CADM2: variants seen among roughly 807,000 people sequenced by gnomAD.
The protein encoded by CADM2 is immunoglobulin superfamily member 4D.
In CADM2, 12 loss-of-function variants were observed where a neutral mutation model predicts 49.8. The observed-to-expected ratio is 0.24, with a 90% confidence interval of 0.15 to 0.39. The LOEUF is 0.39. CADM2 is among the 10% of genes least tolerant of loss of function. The pLI, the probability that CADM2 is intolerant of heterozygous loss-of-function variation, is 1.00. For synonymous variants in CADM2, 214 were observed against 175.4 expected (o/e 1.22, Z -1.74); for missense variants, 378 against 492.3 (o/e 0.77, Z 2.20).
chr3:85,771,622 G>T (rs1031437876), intron 2 of CADM2, among the ~76,000 whole-genome samples: 4 of 152,100 alleles, frequency 2.6e-5, no homozygotes, highest in South Asian at 4.2e-4. Flanking sequence ...CATAGAAGCC[G>T]CTAGGTAGGA....
chr3:85,115,895 C>A (rs911882285), intron 1 of CADM2, among the ~76,000 whole-genome samples: 1 of 152,144 alleles, frequency 6.6e-6, no homozygotes, highest in African/African-American at 2.4e-5. Context: ...TTGTACGCAT[C>A]TTTGAAGAAA....
intron 2 of CADM2, among the ~76,000 whole-genome samples, chr3:85,789,900 G>T (rs1686385982): frequency 6.6e-6 from 1 of 152,072 alleles, no homozygotes; most frequent in Non-Finnish European, 1.5e-5. Flanking sequence ...AATTGACTTT[G>T]TACACATACA....
At chr3:85,700,349 A>T (rs988602974) in intron 1 of CADM2, among the ~76,000 whole-genome samples, 2 of 152,126 alleles carry the variant, frequency 1.3e-5, no homozygotes, top group Non-Finnish European at 2.9e-5. Context: ...ATGGGGGACT[A>T]GGGGAGGGAT....
intron 1 of CADM2, among the ~76,000 whole-genome samples, chr3:85,264,738 T>G (rs2043085557): frequency 6.6e-6 from 1 of 152,054 alleles, no homozygotes. Flanking sequence ...TAAGTAATGG[T>G]ATAGTATAGT....
chr3:85,262,470 G>A (rs2043033865), intron 1 of CADM2, among the ~76,000 whole-genome samples: 1 of 151,982 alleles, frequency 6.6e-6, no homozygotes, highest in Admixed American at 6.6e-5. Context: ...TATTTAATAA[G>A]GCTGAATTGA....
chr3:85,175,998 G>A (rs944654821), intron 1 of CADM2, among the ~76,000 whole-genome samples: 1 of 144,674 alleles, frequency 6.9e-6, no homozygotes, highest in Non-Finnish European at 1.5e-5. Context: ...GCGGGATCTC[G>A]GCTCACTGCA....
chr3:85,650,491 ATATTT>A (rs1319282777), intron 1 of CADM2, among the ~76,000 whole-genome samples: 2 of 143,082 alleles, frequency 1.4e-5, no homozygotes, highest in African/African-American at 2.6e-5. Context: ...TACAGATATT[ATATTT>A]TAAGTGATCA....
chr3:86,066,598 G>A (rs1015483184), intron 9 of CADM2, 67 bp from the exon 10 acceptor site: 5 of 1,185,288 alleles, frequency 4.2e-6, no homozygotes, highest in African/African-American at 3.0e-5. Flanking sequence ...CCTAAATAAT[G>A]TAGCTTTAAT....
Position 85,556,720 on chromosome 3 carries a change from G to C in CADM2, c.62-169802G>C, listed in dbSNP as rs573369285. Among the ~76,000 whole-genome samples, 187 of 152,156 alleles carry C rather than the reference G, an allele frequency of 1.2e-3. 2 individuals carry two copies. The highest frequency in any genetic ancestry group is 7.9e-3 in the South Asian group (38 of 4,830). The stretch of plus-strand genomic sequence containing the variant: ...AAATAACTTTATATTCTCTCATTAA[G>C]AACAGCAGTACAGGAAATCATTTAC... On this transcript the variant is annotated intron_variant, in intron 1 of 9. Coordinates refer to ENST00000383699, the MANE Select transcript of CADM2 (RefSeq NM_001167675.2).
intron 3 of CADM2, among the ~76,000 whole-genome samples, chr3:85,823,723 A>G (rs996171453): frequency 4.6e-5 from 7 of 152,186 alleles, no homozygotes; most frequent in Non-Finnish European, 8.8e-5. Context: ...AAGCAAATCT[A>G]TAGTACAAAG....
At chr3:85,515,631 A>ATATATATTTTTTT (rs1159969286) in intron 1 of CADM2, among the ~76,000 whole-genome samples, 1 of 118,426 alleles carries the variant, frequency 8.4e-6, no homozygotes, top group African/African-American at 3.4e-5. Flanking sequence ...ATATATATAT[A>ATATATATTTTTTT]TTTTTTTTTT....
chr3:85,108,814 T>C (rs2038346667), intron 1 of CADM2, among the ~76,000 whole-genome samples: 1 of 152,064 alleles, frequency 6.6e-6, no homozygotes. Context: ...TTAAGGAGTA[T>C]TAAAACAAAA....
At chr3:85,571,865 T>C (rs767109958) in intron 1 of CADM2, among the ~76,000 whole-genome samples, 97 of 152,236 alleles carry the variant, frequency 6.4e-4, no homozygotes, top group Admixed American at 2.6e-4. Flanking sequence ...TAGTCATGAA[T>C]GAAATGATCC....
At chr3:85,978,117 CTG>C (rs1052578658) in intron 8 of CADM2, among the ~76,000 whole-genome samples, 2 of 151,576 alleles carry the variant, frequency 1.3e-5, no homozygotes, top group African/African-American at 4.8e-5. Flanking sequence ...AATTTGGAAA[CTG>C]TTTCTAATTT....
chr3:85,674,724 T>G (rs1480168874), intron 1 of CADM2, among the ~76,000 whole-genome samples: 1 of 152,150 alleles, frequency 6.6e-6, no homozygotes, highest in African/African-American at 2.4e-5. Context: ...AATAGTATTT[T>G]GTTGAATGAT....
At position 85,115,647 on chromosome 3, in the gene CADM2, A is replaced by G. The variant is rs141257870; in HGVS notation, c.61+155979A>G. 2.8e-3 allele frequency among the ~76,000 whole-genome samples: 428 copies of G among 152,314 alleles called. 2 individuals carry two copies. Among genetic ancestry groups the G allele is most frequent in the African/African-American group, 9.9e-3 (410 of 41,562 alleles). On this transcript the variant is annotated intron_variant, in intron 1 of 9. Transcript: ENST00000383699. ...TTTTTTTCTTTGGTAAAAATCTAGG[A>G]TTACAACAAGCCCAAAATTTTATTA... is the stretch of plus-strand genomic sequence containing the variant.
intron 1 of CADM2, among the ~76,000 whole-genome samples, chr3:85,024,670 T>C (rs2107303780): frequency 6.6e-6 from 1 of 151,868 alleles, no homozygotes; most frequent in East Asian, 1.9e-4. Flanking sequence ...GTTTTTCTTT[T>C]TTTTTTTACT....
At chr3:85,783,232 T>G (rs957108885) in intron 2 of CADM2, among the ~76,000 whole-genome samples, 1 of 152,216 alleles carries the variant, frequency 6.6e-6, no homozygotes, top group African/African-American at 2.4e-5. Flanking sequence ...AAAACTCTTA[T>G]GTAAGAACAG....
chr3:85,904,028 T>G (rs1167553809), intron 5 of CADM2, among the ~76,000 whole-genome samples: 1 of 152,108 alleles, frequency 6.6e-6, no homozygotes, highest in African/African-American at 2.4e-5. Context: ...AGCGTGCTTA[T>G]CTCATCTAAA....
Sources: gnomAD v4.1 joint callset for allele counts (sites outside exome capture counted in the v4.1 genomes callset) on GRCh38, gnomAD v4.1.1 for gene constraint, MANE v1.5 for transcripts, NCBI Gene and HGNC (gene_info 2026-07-23, HGNC 2026-07-21) for gene names.